The following KIRREL3 variants were observed in gnomAD, a reference collection of about 807,000 sequenced individuals.
The protein encoded by KIRREL3 is kin of IRRE-like protein 3.
In KIRREL3, 36 loss-of-function variants were observed where a neutral mutation model predicts 89.7. The ratio of observed to expected loss-of-function variants is 0.40; its 90% CI spans 0.31 to 0.53. KIRREL3 has a LOEUF of 0.53. Ranked by LOEUF, KIRREL3 falls within the 20% of genes least tolerant of loss-of-function variation. The probability of loss-of-function intolerance (pLI) is 0.49; values close to 1 mark genes in which losing one functional copy is unlikely to be tolerated. For missense variants in KIRREL3, 864 were observed against 1,056.6 expected (o/e 0.82, Z 2.53); for synonymous variants, 445 against 441.4 (o/e 1.01, Z -0.10).
rs186497014 is a variant in KIRREL3 at position 126,783,723 on chromosome 11, G to A, written c.55+216732C>T. On this transcript the variant is annotated intron_variant, in intron 1 of 16. Coordinates refer to ENST00000525144, the MANE Select transcript of KIRREL3 (RefSeq NM_032531.4). This position sits in a 1 kb window ranked among gnomAD's most constrained non-coding sequence, Gnocchi z 4.3. ...CAGTGCAGAATTCCAAATAATTCAC[G>A]TAGATGCCTTGCCCTCAAAGAAGTA... Among the ~76,000 whole-genome samples the A allele has an allele frequency of 3.7e-3, 566 of 152,358 alleles. 2 individuals carry two copies. The highest frequency in any genetic ancestry group is 5.2e-3 in the Non-Finnish European group (351 of 68,034).
chr11:126,546,311 A>G (rs1938810116), intron 2 of KIRREL3, among the ~76,000 whole-genome samples: 1 of 152,170 alleles, frequency 6.6e-6, no homozygotes, highest in African/African-American at 2.4e-5. Flanking sequence ...GGTTATGGTA[A>G]CTTGCCCAAG....
In KIRREL3 at chr11:126,631,982, C is replaced by T. The variant is rs894393481; in HGVS notation, c.56-69070G>A. Among the ~76,000 whole-genome samples, 4 of 152,220 alleles carry T rather than the reference C, an allele frequency of 2.6e-5. No individual in the cohort carries two copies. In the South Asian group the frequency reaches 6.2e-4, roughly 24 times the overall value. The stretch of plus-strand genomic sequence containing the variant: ...TTCCTAGACTCTCAGAAACCCCTCA[C>T]TCTTGGGTTCCAGGCCACCTAGACT... On this transcript the variant is annotated intron_variant, in intron 1 of 16. Coordinates refer to ENST00000525144, the MANE Select transcript of KIRREL3 (RefSeq NM_032531.4).
In KIRREL3 at chr11:126,569,387, T is replaced by C. The variant is rs1940759966; in HGVS notation, c.56-6475A>G. 6.6e-6 allele frequency among the ~76,000 whole-genome samples: 1 copy of C among 152,138 alleles called. No individual in the cohort carries two copies. Among genetic ancestry groups the C allele is most frequent in the African/African-American group, 2.4e-5 (1 of 41,442 alleles). ...TGGGGGAAACAGCAGTTGGATCCTG[T>C]GGGTAGACTCTGCTACAAGCATTAA... On this transcript the variant is annotated intron_variant, in intron 1 of 16. Coordinates refer to ENST00000525144, the MANE Select transcript of KIRREL3 (RefSeq NM_032531.4). This position sits in a 1 kb window ranked among gnomAD's most constrained non-coding sequence, Gnocchi z 6.5.
intron 1 of KIRREL3, among the ~76,000 whole-genome samples, chr11:126,779,794 GCC>G (rs1950271663): frequency 6.6e-6 from 1 of 151,664 alleles, no homozygotes; most frequent in African/African-American, 2.4e-5. Context: ...TCATTATGAT[GCC>G]TTCTCCTTTT....
intron 1 of KIRREL3, among the ~76,000 whole-genome samples, chr11:126,799,431 T>TGCAC: frequency 1.6e-5 from 1 of 62,306 alleles, no homozygotes; most frequent in East Asian, 2.4e-3. Flanking sequence ...TGTGTGCATG[T>TGCAC]GTGTATCTGT....
chr11:126,598,997 C>T (rs1187446017), intron 1 of KIRREL3, among the ~76,000 whole-genome samples: 2 of 152,202 alleles, frequency 1.3e-5, no homozygotes, highest in African/African-American at 4.8e-5. Flanking sequence ...AGAAATGTGC[C>T]TGCCTTCCGA....
upstream of KIRREL3, chr11:127,003,310 C>G (rs1366620063): frequency 6.6e-6 from 1 of 152,328 alleles, no homozygotes; most frequent in Non-Finnish European, 1.5e-5. Context: ...GCGGCCCCGC[C>G]ATCTCCGCCC....
Position 126,620,270 on chromosome 11 carries a change from C to G in KIRREL3, c.56-57358G>C, listed in dbSNP as rs1943523534. On this transcript the variant is annotated intron_variant, in intron 1 of 16. Coordinates refer to ENST00000525144, the MANE Select transcript of KIRREL3 (RefSeq NM_032531.4). This position sits in a 1 kb window ranked among gnomAD's most constrained non-coding sequence, Gnocchi z 4.8. ...TGAATTGATCCTTGGATTCTAGACCCAAGGTGGATTCTAGACCCATTATCT... is the reference window on the plus strand; with the variant it reads ...TGAATTGATCCTTGGATTCTAGACCGAAGGTGGATTCTAGACCCATTATCT... 6.6e-6 allele frequency among the ~76,000 whole-genome samples: 1 copy of G among 152,152 alleles called. No homozygotes were observed. The highest frequency in any genetic ancestry group is 1.5e-5 in the Non-Finnish European group (1 of 68,026).
At position 126,531,010 on chromosome 11, in the gene KIRREL3, A is replaced by G. The variant is rs1304063577; in HGVS notation, c.134-4323T>C. 6.6e-6 allele frequency among the ~76,000 whole-genome samples: 1 copy of G among 151,946 alleles called. No homozygotes were observed. Among genetic ancestry groups the G allele is most frequent in the African/African-American group, 2.4e-5 (1 of 41,364 alleles). ...CATGTCTGGTAATTTTTGTATTTTTAGTAGAGACAGGGTTTCACCATATTG... is the reference window on the plus strand; with the variant it reads ...CATGTCTGGTAATTTTTGTATTTTTGGTAGAGACAGGGTTTCACCATATTG... On this transcript the variant is annotated intron_variant, in intron 2 of 16. Transcript: ENST00000525144. The surrounding 1 kb of genome is among the most constrained non-coding windows in gnomAD (Gnocchi z 4.7).
chr11:126,979,994 A>G (rs1297491488), intron 1 of KIRREL3, among the ~76,000 whole-genome samples: 1 of 152,222 alleles, frequency 6.6e-6, no homozygotes, highest in Non-Finnish European at 1.5e-5. Flanking sequence ...GAAAATATCA[A>G]GTCAAGAACA....
In KIRREL3 at chr11:126,628,945, C is replaced by A. The variant is rs1176197560; in HGVS notation, c.56-66033G>T. Among the ~76,000 whole-genome samples the A allele has an allele frequency of 6.6e-6, 1 of 152,208 alleles. No homozygotes were observed. Among genetic ancestry groups the A allele is most frequent in the Non-Finnish European group, 1.5e-5 (1 of 68,042 alleles). On this transcript the variant is annotated intron_variant, in intron 1 of 16. Coordinates refer to ENST00000525144, the MANE Select transcript of KIRREL3 (RefSeq NM_032531.4). The surrounding 1 kb of genome is among the most constrained non-coding windows in gnomAD (Gnocchi z 5.2). ...CACCAAACCCACGCAATTTGTAAAT[C>A]TTTGATAATGAGCATTTAAAGGGCA...
chr11:126,832,318 A>C (rs1176131844), intron 1 of KIRREL3, among the ~76,000 whole-genome samples: 3 of 152,218 alleles, frequency 2.0e-5, no homozygotes, highest in Admixed American at 6.5e-5. Flanking sequence ...TTGCTTTGAA[A>C]GTGAATCGCT....
At position 126,474,800 on chromosome 11, in the gene KIRREL3, T is replaced by TG. The variant is rs1195756982; in HGVS notation, c.434-1335dup. 6.6e-6 allele frequency among the ~76,000 whole-genome samples: 1 copy of TG among 152,190 alleles called. No individual in the cohort carries two copies. Among genetic ancestry groups the TG allele is most frequent in the Admixed American group, 6.5e-5 (1 of 15,286 alleles). On this transcript the variant is annotated intron_variant, in intron 4 of 16. Coordinates refer to ENST00000525144, the MANE Select transcript of KIRREL3 (RefSeq NM_032531.4). This position sits in a 1 kb window ranked among gnomAD's most constrained non-coding sequence, Gnocchi z 6.7. Reference sequence around the variant, plus strand: ...CACCCTTTGATTCCGATGAGGACCATGGGCTGAAGGATGGTGGATGATCAT... The same window carrying TG: ...CACCCTTTGATTCCGATGAGGACCATGGGGCTGAAGGATGGTGGATGATCAT...
intron 1 of KIRREL3, among the ~76,000 whole-genome samples, chr11:126,679,184 C>T (rs1424917750): frequency 1.3e-5 from 2 of 152,166 alleles, no homozygotes. Context: ...ACGTAACATG[C>T]CATGGATGGT....
In KIRREL3 at chr11:126,508,075, TCTC is replaced by T. The variant is rs1404704822; in HGVS notation, c.433+13237_433+13239del. ...GGGGTGGCTGTGTGGCCATCAGCCT[TCTC>T]CTCCCTTTCTTGCCTGCACCACTGA... On this transcript the variant is annotated intron_variant, in intron 4 of 16. Coordinates refer to ENST00000525144, the MANE Select transcript of KIRREL3 (RefSeq NM_032531.4). The surrounding 1 kb of genome is among the most constrained non-coding windows in gnomAD (Gnocchi z 4.9). 6.6e-6 allele frequency among the ~76,000 whole-genome samples: 1 copy of T among 152,218 alleles called. No individual in the cohort carries two copies. Among genetic ancestry groups the T allele is most frequent in the Non-Finnish European group, 1.5e-5 (1 of 68,034 alleles).
Position 126,668,936 on chromosome 11 carries a change from G to A in KIRREL3, c.56-106024C>T, listed in dbSNP as rs951912017. Among the ~76,000 whole-genome samples the A allele has an allele frequency of 6.6e-6, 1 of 151,866 alleles. No individual in the cohort carries two copies. Among genetic ancestry groups the A allele is most frequent in the African/African-American group, 2.4e-5 (1 of 41,326 alleles). The stretch of plus-strand genomic sequence containing the variant: ...GAGCCGTTCCTTTCCTGCCTATGTT[G>A]GGGTGCTGGGTACTGACAGTAAGAG... On this transcript the variant is annotated intron_variant, in intron 1 of 16. Transcript: ENST00000525144. This position sits in a 1 kb window ranked among gnomAD's most constrained non-coding sequence, Gnocchi z 4.4.
rs1555172364 is a variant in KIRREL3, at chr11:126,668,741, C to CTTTCTTTCTTTCTTTCTTTCTTTCTT, written c.56-105830_56-105829insAAGAAAGAAAGAAAGAAAGAAAGAAA. Among the ~76,000 whole-genome samples, 54 of 130,912 alleles carry CTTTCTTTCTTTCTTTCTTTCTTTCTT rather than the reference C, an allele frequency of 4.1e-4. No individual in the cohort carries two copies. The highest frequency in any genetic ancestry group is 7.2e-4 in the Admixed American group (9 of 12,566). The allele number at this position is 130,912 out of a possible 152,430, so 85.9% of individuals were successfully genotyped here. On this transcript the variant is annotated intron_variant, in intron 1 of 16. Coordinates refer to ENST00000525144, the MANE Select transcript of KIRREL3 (RefSeq NM_032531.4). This position sits in a 1 kb window ranked among gnomAD's most constrained non-coding sequence, Gnocchi z 4.4. ...TCTTTCTTTCTTTCTTTCTTTCTTT[C>CTTTCTTTCTTTCTTTCTTTCTTTCTT]TTTCTTTCTTTCTTTTTTCTCTTTC...
At chr11:126,841,890 T>C (rs923591373) in intron 1 of KIRREL3, among the ~76,000 whole-genome samples, 1 of 152,158 alleles carries the variant, frequency 6.6e-6, no homozygotes, top group Non-Finnish European at 1.5e-5. Flanking sequence ...GACAAAGGCT[T>C]CATACATCGT....
rs935892833 is a variant in KIRREL3, at chr11:126,766,290, G to A, written c.56-203378C>T. ...ATGTCATCCATTCCTGACAGCCTTG[G>A]TGCTATAATATGGTCCTGCCAAACC... is the stretch of plus-strand genomic sequence containing the variant. On this transcript the variant is annotated intron_variant, in intron 1 of 16. Coordinates refer to ENST00000525144, the MANE Select transcript of KIRREL3 (RefSeq NM_032531.4). The surrounding 1 kb of genome is among the most constrained non-coding windows in gnomAD (Gnocchi z 4.2). Among the ~76,000 whole-genome samples the A allele has an allele frequency of 6.6e-6, 1 of 151,958 alleles. No homozygotes were observed. Among genetic ancestry groups the A allele is most frequent in the Admixed American group, 6.6e-5 (1 of 15,246 alleles).
Sources: gnomAD v4.1 joint callset for allele counts (sites outside exome capture counted in the v4.1 genomes callset) on GRCh38, gnomAD v4.1.1 for gene constraint, Gnocchi (gnomAD v3.1) non-coding constraint, MANE v1.5 for transcripts, NCBI Gene and HGNC (gene_info 2026-07-23, HGNC 2026-07-21) for gene names.